The following GRIP1 variants were observed in gnomAD, a reference collection of about 807,000 sequenced individuals.
GRIP1 encodes the protein glutamate receptor-interacting protein 1.
GRIP1 carries 45 observed loss-of-function variants against 129.9 expected under a neutral mutation model. That is an observed-to-expected ratio of 0.35 (90% CI 0.27 to 0.44). GRIP1 has a LOEUF of 0.44. GRIP1 is among the 20% of genes least tolerant of loss of function. GRIP1 has a pLI of 1.00. For missense variants in GRIP1, 1,196 were observed against 1,396.8 expected (o/e 0.86, Z 2.29); for synonymous variants, 530 against 520.8 (o/e 1.02, Z -0.24).
At chr12:66,949,724 T>A (rs982341392) in intron 1 of GRIP1, among the ~76,000 whole-genome samples, 8 of 148,972 alleles carry the variant, frequency 5.4e-5, no homozygotes, top group Non-Finnish European at 9.0e-5. Context: ...TGACTATAAA[T>A]CTAAGATTAT....
intron 1 of GRIP1, among the ~76,000 whole-genome samples, chr12:66,941,163 A>T (rs1008049832): frequency 1.0e-5 from 1 of 96,174 alleles, no homozygotes; most frequent in African/African-American, 2.9e-5. Flanking sequence ...TCATGTGATT[A>T]AAAAAAAAAA....
intron 1 of GRIP1, among the ~76,000 whole-genome samples, chr12:67,056,474 A>G (rs923823850): frequency 6.6e-6 from 1 of 152,036 alleles, no homozygotes. Flanking sequence ...AGTTGAAAGT[A>G]TGGTAGCTCA....
intron 1 of GRIP1, among the ~76,000 whole-genome samples, chr12:66,846,785 C>T (rs1401168639): frequency 6.6e-6 from 1 of 152,146 alleles, no homozygotes; most frequent in Non-Finnish European, 1.5e-5. Flanking sequence ...TGTCACACCA[C>T]AGGGGGCCAT....
chr12:66,789,322 A>G (rs933436544), intron 1 of GRIP1, among the ~76,000 whole-genome samples: 14 of 152,314 alleles, frequency 9.2e-5, no homozygotes, highest in African/African-American at 3.1e-4. Context: ...AGATTTGGAA[A>G]TAAGTGAATC....
intron 1 of GRIP1, among the ~76,000 whole-genome samples, chr12:66,953,967 A>G (rs2041800810): frequency 2.6e-5 from 4 of 151,844 alleles, no homozygotes; most frequent in African/African-American, 9.7e-5. Flanking sequence ...GACCCCCCAA[A>G]ACTGTTAAAA....
At chr12:66,419,195 G>A (rs1037654948) in intron 15 of GRIP1, among the ~76,000 whole-genome samples, 7 of 152,096 alleles carry the variant, frequency 4.6e-5, no homozygotes, top group African/African-American at 1.7e-4. Context: ...ACCAGGCACA[G>A]AAATACAAAC....
intron 15 of GRIP1, among the ~76,000 whole-genome samples, 199 bp downstream of exon 15, chr12:66,420,521 A>T (rs2137831325): frequency 6.6e-6 from 1 of 151,832 alleles, no homozygotes; most frequent in Admixed American, 6.6e-5. Flanking sequence ...AGCTGTGCAG[A>T]AATAAATTGA....
At chr12:66,400,850 C>G (rs748469178) in intron 16 of GRIP1, among the ~76,000 whole-genome samples, 32 of 152,226 alleles carry the variant, frequency 2.1e-4, no homozygotes, top group Non-Finnish European at 4.1e-4. Flanking sequence ...TGCTTTGCTT[C>G]AGGGTTTCCT....
chr12:66,922,356 C>T (rs1454030674), intron 1 of GRIP1, among the ~76,000 whole-genome samples: 2 of 152,148 alleles, frequency 1.3e-5, no homozygotes, highest in Non-Finnish European at 2.9e-5. Context: ...ACCAGGACTC[C>T]GTGTTCTCTG....
At chr12:66,625,459 A>G (rs2029907682) in intron 1 of GRIP1, among the ~76,000 whole-genome samples, 1 of 152,218 alleles carries the variant, frequency 6.6e-6, no homozygotes, top group African/African-American at 2.4e-5. Flanking sequence ...CAATTTTTAA[A>G]GGGACTCAAT....
In GRIP1 at chr12:66,465,281, G is replaced by A. The variant is rs2059255425; in HGVS notation, c.866C>T (p.Ala289Val). The A allele has an allele frequency of 6.2e-7, 1 of 1,613,468 alleles. No individual in the cohort carries two copies. The highest frequency in any genetic ancestry group is 8.5e-7 in the Non-Finnish European group (1 of 1,179,500). ...CACTTTCTACAATACTTACCTGTCT[G>A]CAATACTTGCAGATTTGATTTTGTC... ...VIDKIKSASIADRCGALHVGD... is the reference protein window; with the variant it reads ...VIDKIKSASIVDRCGALHVGD... Residue 289 changes from alanine to valine, a missense_variant, in exon 8 of 25, where the codon GCA (alanine) becomes GTA (valine). Around this residue, in one of 5 missense-constraint regions of GRIP1, gnomAD observed 508 missense variants for 587.0 expected, o/e 0.87. Transcript: ENST00000359742.
chr12:66,782,253 GAT>G (rs2038184931), intron 1 of GRIP1, among the ~76,000 whole-genome samples: 1 of 152,144 alleles, frequency 6.6e-6, no homozygotes, highest in African/African-American at 2.4e-5. Flanking sequence ...TTGATAAAGA[GAT>G]ATTAGGAATT....
At chr12:66,988,008 C>T (rs1365625964) in intron 1 of GRIP1, among the ~76,000 whole-genome samples, 1 of 152,118 alleles carries the variant, frequency 6.6e-6, no homozygotes, top group Non-Finnish European at 1.5e-5. Flanking sequence ...GTCATTTAGC[C>T]CCCAAGGTCT....
At position 66,455,546 on chromosome 12, in the gene GRIP1, G is replaced by A. The variant is rs772521452; in HGVS notation, c.1217C>T (p.Ser406Phe). 4 of 1,614,068 alleles carry A rather than the reference G, an allele frequency of 2.5e-6. No individual in the cohort carries two copies. The Admixed American group carries it at 5.0e-5, about 20-fold the overall frequency. ...TGCACTCATGGAGGTAGGAGAGAAG[G>A]ATGAAGACACCAAAGCTGCTGCAAG... The part of the protein sequence containing the change: ...PNSPPALVSS[S>F]FSPTSMSAYS... The change falls in exon 11 of 25, where the codon TCC becomes TTC. Residue 406 changes from serine (S) to phenylalanine (F), a missense_variant. Ser to Phe is a radical substitution (Grantham distance 155). Coordinates refer to ENST00000359742, the MANE Select transcript of GRIP1 (RefSeq NM_001366722.1).
intron 1 of GRIP1, among the ~76,000 whole-genome samples, chr12:66,733,959 A>T (rs2036517240): frequency 6.6e-6 from 1 of 152,050 alleles, no homozygotes; most frequent in African/African-American, 2.4e-5. Context: ...TATTCTAAAC[A>T]TGGATGCTTA....
chr12:66,767,186 T>C (rs2037667176), intron 1 of GRIP1, among the ~76,000 whole-genome samples: 1 of 152,224 alleles, frequency 6.6e-6, no homozygotes, highest in Non-Finnish European at 1.5e-5. Flanking sequence ...TTATTTTATT[T>C]ACTTTGGAAA....
At chr12:66,467,217 A>C (rs1003664233) in intron 7 of GRIP1, among the ~76,000 whole-genome samples, 1 of 152,184 alleles carries the variant, frequency 6.6e-6, no homozygotes, top group Admixed American at 6.5e-5. Context: ...TTAATTATTA[A>C]GGAGAGTTTT....
intron 1 of GRIP1, among the ~76,000 whole-genome samples, chr12:66,925,616 T>C (rs976034658): frequency 4.6e-5 from 7 of 152,314 alleles, no homozygotes; most frequent in African/African-American, 1.4e-4. Flanking sequence ...TCTACTACAA[T>C]ATACTAGATT....
At chr12:67,050,096 A>G (rs2043318442) in intron 1 of GRIP1, among the ~76,000 whole-genome samples, 1 of 151,520 alleles carries the variant, frequency 6.6e-6, no homozygotes, top group Non-Finnish European at 1.5e-5. Flanking sequence ...AAAAGCTACT[A>G]TGTGCTTATT....
Sources: allele counts gnomAD v4.1 joint callset (sites outside exome capture counted in the v4.1 genomes callset), GRCh38; gene constraint gnomAD v4.1.1; regional missense constraint gnomAD v4.1.1; transcripts MANE v1.5; gene names NCBI Gene and HGNC (gene_info 2026-07-23, HGNC 2026-07-21).